Variants in UTRN observed in about 807,000 individuals in gnomAD.
The protein encoded by UTRN is utrophin.
A neutral mutation model predicts 463.9 loss-of-function variants in UTRN; 283 were observed. The observed-to-expected ratio is 0.61, with a 90% confidence interval of 0.55 to 0.67. The LOEUF is 0.67. Among genes scored for constraint, UTRN ranks in the 30% least tolerant of loss-of-function variants. UTRN has a pLI of 0.00. For missense variants in UTRN, 3,922 were observed against 4,084.3 expected, an observed-to-expected ratio of 0.96 and a Z score of 1.08; for synonymous variants, 1,442 against 1,431.5, an observed-to-expected ratio of 1.01 and a Z score of -0.17.
intron 2 of UTRN, among the ~76,000 whole-genome samples, chr6:144,330,482 T>C (rs1044098720): frequency 6.6e-6 from 1 of 152,194 alleles, no homozygotes; most frequent in African/African-American, 2.4e-5. Flanking sequence ...TTGCAAGAGT[T>C]AGAAACATAA....
intron 2 of UTRN, among the ~76,000 whole-genome samples, chr6:144,343,411 A>ACACACACACAC (rs1562270899): frequency 2.0e-4 from 25 of 126,218 alleles, no homozygotes; most frequent in African/African-American, 8.5e-4. Context: ...CACACACACA[A>ACACACACACAC]TAGCCGGGCA....
intron 50 of UTRN, among the ~76,000 whole-genome samples, chr6:144,568,660 A>G (rs1244335670): frequency 6.6e-6 from 1 of 152,196 alleles, no homozygotes; most frequent in Non-Finnish European, 1.5e-5. Flanking sequence ...TTTCGTTTAC[A>G]TGCAGCAATT....
intron 73 of UTRN, 65 bp downstream of exon 73, chr6:144,840,897 C>A: frequency 6.4e-7 from 1 of 1,551,950 alleles, no homozygotes; most frequent in Non-Finnish European, 8.9e-7. Context: ...TTTCTGCATG[C>A]GGCCCTTCGC....
intron 65 of UTRN, among the ~76,000 whole-genome samples, chr6:144,819,048 C>T (rs750853803): frequency 6.6e-6 from 1 of 151,988 alleles, no homozygotes; most frequent in Non-Finnish European, 1.5e-5. Flanking sequence ...TTTGGGAAGC[C>T]CTATATCCAT....
intron 3 of UTRN, 74 bp from the exon 4 acceptor site, chr6:144,421,804 T>G: frequency 1.8e-6 from 2 of 1,102,152 alleles, no homozygotes; most frequent in African/African-American, 1.6e-5. Context: ...AAGCCACTCA[T>G]TTATTTGCCC....
chr6:144,814,194 T>A (rs184040282), intron 65 of UTRN, among the ~76,000 whole-genome samples: 36 of 152,282 alleles, frequency 2.4e-4, no homozygotes, highest in Admixed American at 2.2e-3. Context: ...CTGTCATAAA[T>A]GAAATTAGTA....
intron 65 of UTRN, among the ~76,000 whole-genome samples, chr6:144,811,300 C>T (rs73594598): frequency 0.03 from 4,641 of 152,204 alleles, 224 homozygotes; most frequent in African/African-American, 0.1. Flanking sequence ...CTTTGGAAAG[C>T]TCTACCTTGA....
chr6:144,576,279 A>G (rs1801425687), intron 50 of UTRN, among the ~76,000 whole-genome samples: 1 of 152,160 alleles, frequency 6.6e-6, no homozygotes, highest in Non-Finnish European at 1.5e-5. Flanking sequence ...CTAGGAGTGA[A>G]ATTATCGATA....
chr6:144,315,416 G>T (rs1341962156), intron 2 of UTRN, among the ~76,000 whole-genome samples: 3 of 152,134 alleles, frequency 2.0e-5, no homozygotes, highest in Non-Finnish European at 2.9e-5. Context: ...GAAGGTTCGG[G>T]TGCTTGATGT....
chr6:144,645,235 A>T (rs1778170750), intron 51 of UTRN, among the ~76,000 whole-genome samples: 1 of 152,190 alleles, frequency 6.6e-6, no homozygotes, highest in Non-Finnish European at 1.5e-5. Context: ...TCTATTCCCA[A>T]GTAATTTTTG....
intron 53 of UTRN, among the ~76,000 whole-genome samples, chr6:144,726,350 C>T (rs1326444135): frequency 1.3e-5 from 2 of 152,120 alleles, no homozygotes; most frequent in Admixed American, 1.3e-4. Flanking sequence ...CACTGTGACA[C>T]TCCTGCATTC....
At chr6:144,514,062 G>A (rs980272407) in intron 36 of UTRN, 25 bp downstream of exon 36, 4 of 1,612,234 alleles carry the variant, frequency 2.5e-6, no homozygotes, top group African/African-American at 1.3e-5. Flanking sequence ...CATCAGTAAC[G>A]CTTTTGGGAG....
intron 51 of UTRN, among the ~76,000 whole-genome samples, chr6:144,582,749 G>A (rs182377056): frequency 1.6e-4 from 25 of 152,202 alleles, no homozygotes; most frequent in Admixed American, 1.4e-3. Flanking sequence ...CCACTGGATC[G>A]CTCTGCTTTT....
At chr6:144,544,053 A>G (rs1461651128) in intron 46 of UTRN, among the ~76,000 whole-genome samples, 2 of 152,186 alleles carry the variant, frequency 1.3e-5, no homozygotes, top group African/African-American at 4.8e-5. Context: ...CTTACTTTTT[A>G]AAACCTCTAT....
At chr6:144,618,411 G>A (rs1255351363) in intron 51 of UTRN, among the ~76,000 whole-genome samples, 5 of 151,970 alleles carry the variant, frequency 3.3e-5, no homozygotes, top group Non-Finnish European at 7.4e-5. Flanking sequence ...TGAATATTTT[G>A]CCACAAACCA....
chr6:144,597,686 T>A (rs895148284), intron 51 of UTRN, among the ~76,000 whole-genome samples: 2 of 152,196 alleles, frequency 1.3e-5, no homozygotes, highest in Admixed American at 1.3e-4. Context: ...TCTAGAACTA[T>A]CCTGGTCTTT....
chr6:144,485,637 A>T, intron 28 of UTRN, 118 bp downstream of exon 28: 1 of 1,433,602 alleles, frequency 7.0e-7, no homozygotes, highest in Non-Finnish European at 9.4e-7. Context: ...AGTGGTTTTC[A>T]ATGTCACTTG....
intron 2 of UTRN, among the ~76,000 whole-genome samples, chr6:144,381,583 G>A (rs1161771183): frequency 6.6e-6 from 1 of 152,202 alleles, no homozygotes; most frequent in African/African-American, 2.4e-5. Context: ...GGGACCCAGT[G>A]GGAGTAATTG....
Position 144,852,766 on chromosome 6 carries a change from G to A in UTRN, c.*1769G>A, listed in dbSNP as rs1782554670. 6.6e-6 allele frequency: 1 copy of A among 152,518 alleles called. No individual in the cohort carries two copies. Among genetic ancestry groups the A allele is most frequent in the Admixed American group, 6.6e-5 (1 of 15,252 alleles). 9.4% of individuals were successfully genotyped at this position (152,518 alleles called of 1,614,324 possible). On this transcript the variant is annotated 3_prime_UTR_variant, in exon 75 of 75. Coordinates refer to ENST00000367545, the MANE Select transcript of UTRN (RefSeq NM_007124.3). ...AAGTTGTAGATTTGGTGTCTTCCTT[G>A]TTCTTACTTTAAAAAGTCATGTGTT...
Sources: gnomAD v4.1 joint callset for allele counts (sites outside exome capture counted in the v4.1 genomes callset) on GRCh38, gnomAD v4.1.1 for gene constraint, MANE v1.5 for transcripts, NCBI Gene and HGNC (gene_info 2026-07-23, HGNC 2026-07-21) for gene names.